Variants in KLF12 observed in about 807,000 individuals in gnomAD.
The protein encoded by KLF12 is KLF transcription factor 12.
KLF12 carries 9 observed loss-of-function variants against 37.8 expected under a neutral mutation model. The ratio of observed to expected loss-of-function variants is 0.24; its 90% CI spans 0.14 to 0.42. The LOEUF is 0.42. KLF12 is among the 10% of genes least tolerant of loss of function. The pLI, the probability that KLF12 is intolerant of heterozygous loss-of-function variation, is 1.00. For missense variants in KLF12, 411 were observed against 516.0 expected, an observed-to-expected ratio of 0.80 and a Z score of 1.97; for synonymous variants, 208 against 202.1, an observed-to-expected ratio of 1.03 and a Z score of -0.25.
chr13:74,074,543 A>G (rs1032614387), intron 1 of KLF12, among the ~76,000 whole-genome samples: 3 of 152,162 alleles, frequency 2.0e-5, no homozygotes, highest in African/African-American at 7.2e-5. Context: ...ATGTTCCTGG[A>G]TATCAATGAT....
intron 5 of KLF12, among the ~76,000 whole-genome samples, chr13:73,776,904 T>C (rs996463663): frequency 6.6e-6 from 1 of 152,030 alleles, no homozygotes; most frequent in Non-Finnish European, 1.5e-5. Context: ...ATTTAGGTAA[T>C]ACTAAAGAAA....
chr13:74,250,660 C>T, the KLF12 span, among the ~76,000 whole-genome samples: 2 of 151,902 alleles, frequency 1.3e-5, no homozygotes, highest in Admixed American at 6.5e-5. Flanking sequence ...CTCATTATAT[C>T]GAACACGCCA....
At chr13:74,189,932 C>CT in the KLF12 span, among the ~76,000 whole-genome samples, 1 of 151,960 alleles carries the variant, frequency 6.6e-6, no homozygotes, top group East Asian at 1.9e-4. Flanking sequence ...AGAATGTCCA[C>CT]TTTTTTTTCT....
rs9543500 is a variant in KLF12 at position 73,963,921 on chromosome 13, T to C, written c.34-19851A>G. ...ACACCCAAAAGAACTGGCAAAAAGA[T>C]TGTGCCCCTCAATAACAGATGAGAA... On this transcript the variant is annotated intron_variant, in intron 2 of 7. Transcript: ENST00000377669. Among the ~76,000 whole-genome samples the C allele has an allele frequency of 8.4e-3, 1,283 of 152,298 alleles. 18 individuals carry two copies. Among genetic ancestry groups the C allele is most frequent in the Non-Finnish European group, 0.013 (860 of 68,022 alleles).
the KLF12 span, among the ~76,000 whole-genome samples, chr13:74,273,115 C>G: frequency 2.0e-5 from 3 of 152,042 alleles, no homozygotes; most frequent in African/African-American, 7.2e-5. Context: ...TTTTCCTTTC[C>G]TGCTCAGAAA....
chr13:73,724,403 C>G (rs1321939329), intron 6 of KLF12, among the ~76,000 whole-genome samples: 4 of 152,064 alleles, frequency 2.6e-5, no homozygotes, highest in Admixed American at 6.5e-5. Flanking sequence ...CTTAAGTTAA[C>G]ATGAATTATT....
intron 1 of KLF12, among the ~76,000 whole-genome samples, chr13:74,070,955 G>A (rs1874199387): frequency 6.6e-6 from 1 of 152,198 alleles, no homozygotes; most frequent in Non-Finnish European, 1.5e-5. Flanking sequence ...ATAGAAGACA[G>A]CTCTCTAATA....
In KLF12 at chr13:73,695,164, C is replaced by A; in HGVS notation, c.*326G>T. On this transcript the variant is annotated 3_prime_UTR_variant, in exon 8 of 8. Transcript: ENST00000377669. The stretch of plus-strand genomic sequence containing the variant: ...TTGTGGTAGGTGACCTTTAAGGTAT[C>A]AATAACAAAATGTCTGACAGCTCAG... 1 of 264,738 alleles carries A rather than the reference C, an allele frequency of 3.8e-6. No individual in the cohort carries two copies. Among genetic ancestry groups the A allele is most frequent in the East Asian group, 7.7e-5 (1 of 12,966 alleles). The allele number at this position is 264,738 out of a possible 1,614,324, so 16.4% of individuals were successfully genotyped here. A position where few individuals can be genotyped will look rare whatever the true frequency, so the allele number is the denominator to read the frequency against.
intron 6 of KLF12, 83 bp from the exon 7 acceptor site, chr13:73,715,608 A>T: frequency 2.9e-6 from 4 of 1,360,270 alleles, no homozygotes; most frequent in Non-Finnish European, 4.1e-6. Context: ...ATTGTCTCAG[A>T]CACTACAGCT....
Position 73,813,156 on chromosome 13 carries a change from G to A in KLF12, c.802C>T (p.Gln268Ter). ...TCCTGTGAATGTGATACTTACTCTT[G>A]TACTGCTCTGGCTATGGAAAGGGCC... Residue 268 changes from glutamine (Q) to a stop codon, truncating the protein, a stop_gained, in exon 5 of 8, where the codon CAA (glutamine) becomes TAA (stop). Transcript: ENST00000377669. LOFTEE classifies it high-confidence loss of function. 2 of 1,613,752 alleles carry A rather than the reference G, an allele frequency of 1.2e-6. No individual in the cohort carries two copies. Among genetic ancestry groups the A allele is most frequent in the Non-Finnish European group, 1.7e-6 (2 of 1,179,852 alleles).
chr13:73,686,240 T>C lies in KLF12; in HGVS notation c.*9250A>G, dbSNP rs1470365119. ...AGAAAAGCAATGCACCAACAGAATA[T>C]GTCTGAGACACCATTAAAAACAATA... On this transcript the variant is annotated 3_prime_UTR_variant, in exon 8 of 8. Coordinates refer to ENST00000377669, the MANE Select transcript of KLF12 (RefSeq NM_007249.5). The C allele has an allele frequency of 6.6e-6, 1 of 152,628 alleles. No individual in the cohort carries two copies. Among genetic ancestry groups the C allele is most frequent in the African/African-American group, 2.4e-5 (1 of 41,444 alleles). 9.5% of individuals were successfully genotyped at this position (152,628 alleles called of 1,614,324 possible).
chr13:74,039,026 T>C (rs1893331002), intron 1 of KLF12, among the ~76,000 whole-genome samples: 1 of 141,616 alleles, frequency 7.1e-6, no homozygotes, highest in South Asian at 2.1e-4. Context: ...CTTTGCACAA[T>C]ATGTGTGTTC....
intron 1 of KLF12, among the ~76,000 whole-genome samples, chr13:74,042,203 A>C (rs7337594): frequency 0.11 from 16,705 of 151,022 alleles, 996 homozygotes; most frequent in African/African-American, 0.14. Flanking sequence ...ACTCAGGAGG[A>C]TGAGGCAGGA....
At chr13:73,962,539 T>C (rs1054296549) in intron 2 of KLF12, among the ~76,000 whole-genome samples, 10 of 152,228 alleles carry the variant, frequency 6.6e-5, no homozygotes, top group Non-Finnish European at 1.3e-4. Flanking sequence ...ACCACTGTCG[T>C]GCAGGATGCT....
intron 3 of KLF12, among the ~76,000 whole-genome samples, chr13:73,919,230 A>G (rs1185584597): frequency 6.6e-6 from 1 of 152,188 alleles, no homozygotes; most frequent in Non-Finnish European, 1.5e-5. Context: ...GGGAGCTCCT[A>G]AAGTGTCACC....
At chr13:74,076,490 G>A (rs1009990825) in intron 1 of KLF12, among the ~76,000 whole-genome samples, 4 of 152,166 alleles carry the variant, frequency 2.6e-5, no homozygotes, top group Non-Finnish European at 5.9e-5. Context: ...CCACACAGTG[G>A]AAGGTGGAAG....
rs75219629 is a variant in KLF12, at chr13:73,930,860, A to T, written c.123+13121T>A. 3.0e-3 allele frequency among the ~76,000 whole-genome samples: 331 copies of T among 109,474 alleles called. 5 individuals carry two copies. The highest frequency in any genetic ancestry group is 0.012 in the Middle Eastern group (2 of 164). The allele number at this position is 109,474 out of a possible 152,430, so 71.8% of individuals were successfully genotyped here. On this transcript the variant is annotated intron_variant, in intron 3 of 7. Transcript: ENST00000377669. The stretch of plus-strand genomic sequence containing the variant: ...AACATCTATGTGAATAACTGGAAAC[A>T]TTTTTTTTTTTTTTTTTTTTTTGAG...
At chr13:74,302,183 G>A in the KLF12 span, among the ~76,000 whole-genome samples, 4 of 152,046 alleles carry the variant, frequency 2.6e-5, no homozygotes, top group Non-Finnish European at 5.9e-5. Flanking sequence ...GGACCTCCAA[G>A]TTCTATACCA....
chr13:74,027,062 GT>G (rs1252348820), intron 1 of KLF12, among the ~76,000 whole-genome samples: 2 of 152,164 alleles, frequency 1.3e-5, no homozygotes, highest in African/African-American at 4.8e-5. Context: ...GTTAGACAGT[GT>G]TTCTCTTAAA....
Sources: allele counts gnomAD v4.1 joint callset (sites outside exome capture counted in the v4.1 genomes callset), GRCh38; gene constraint gnomAD v4.1.1; transcripts MANE v1.5; gene names NCBI Gene and HGNC (gene_info 2026-07-23, HGNC 2026-07-21).